PDE3A: variants seen among roughly 807,000 people sequenced by gnomAD.
PDE3A encodes phosphodiesterase 3A.
Under a neutral mutation model 98.3 loss-of-function variants are expected in PDE3A, and 43 were observed. That is an observed-to-expected ratio of 0.44 (90% CI 0.34 to 0.56). The LOEUF (loss-of-function observed/expected upper bound fraction) is 0.56. Among genes scored for constraint, PDE3A ranks in the 20% least tolerant of loss-of-function variants. The pLI, the probability that PDE3A is intolerant of heterozygous loss-of-function variation, is 0.01. For missense variants in PDE3A, 1,427 were observed against 1,440.7 expected (o/e 0.99, Z 0.15); for synonymous variants, 663 against 567.9 (o/e 1.17, Z -2.38).
At chr12:20,530,421 T>G (rs1946602958) in intron 1 of PDE3A, among the ~76,000 whole-genome samples, 1 of 151,834 alleles carries the variant, frequency 6.6e-6, no homozygotes, top group Non-Finnish European at 1.5e-5. Flanking sequence ...GAGTATCCAA[T>G]AATAGATTCA....
chr12:20,381,761 A>C (rs1041345955), intron 1 of PDE3A, among the ~76,000 whole-genome samples: 2 of 151,970 alleles, frequency 1.3e-5, no homozygotes, highest in African/African-American at 4.8e-5. Flanking sequence ...TTGATTAAAA[A>C]TGTCGGCAAG....
At chr12:20,384,246 T>C (rs1290487557) in intron 1 of PDE3A, among the ~76,000 whole-genome samples, 2 of 151,308 alleles carry the variant, frequency 1.3e-5, no homozygotes, top group African/African-American at 4.8e-5. Context: ...ATATACAAAC[T>C]GGAGACCTGA....
At chr12:20,372,801 A>G (rs1943501198) in intron 1 of PDE3A, among the ~76,000 whole-genome samples, 1 of 152,168 alleles carries the variant, frequency 6.6e-6, no homozygotes, top group Non-Finnish European at 1.5e-5. Flanking sequence ...TTAAATAGTC[A>G]TTTAAGAACT....
At chr12:20,579,307 T>C (rs10841565) in intron 2 of PDE3A, among the ~76,000 whole-genome samples, 34,421 of 152,148 alleles carry the variant, frequency 0.23, 3,998 homozygotes, top group South Asian at 0.35. Context: ...AGTTGAAATA[T>C]GCATTTTTAG....
intron 1 of PDE3A, among the ~76,000 whole-genome samples, chr12:20,482,642 A>G (rs1027859797): frequency 3.7e-4 from 56 of 152,348 alleles, no homozygotes; most frequent in African/African-American, 1.3e-3. Flanking sequence ...CTCAACTTCT[A>G]ACATAAAAAG....
intron 1 of PDE3A, among the ~76,000 whole-genome samples, chr12:20,425,967 T>C (rs1265639402): frequency 6.6e-6 from 1 of 152,202 alleles, no homozygotes; most frequent in East Asian, 1.9e-4. Flanking sequence ...TTTCATAGAA[T>C]TGTTATACAG....
Position 20,369,226 on chromosome 12 carries a change from G to A in PDE3A, c.-59G>A. ...GTGTGTGTGTGCGCGCGCGCGCGTG[G>A]GTCGGGGCGGGGGCGTCGGGGGGCC... is the stretch of plus-strand genomic sequence containing the variant. On this transcript the variant is annotated 5_prime_UTR_variant, in exon 1 of 16. Coordinates refer to ENST00000359062, the MANE Select transcript of PDE3A (RefSeq NM_000921.5). 2 of 1,320,640 alleles carry A rather than the reference G, an allele frequency of 1.5e-6. No individual in the cohort carries two copies. The allele number at this position is 1,320,640 out of a possible 1,614,324, so 81.8% of individuals were successfully genotyped here. A position where few individuals can be genotyped will look rare whatever the true frequency, so the allele number is the denominator to read the frequency against.
intron 2 of PDE3A, among the ~76,000 whole-genome samples, chr12:20,612,543 C>A (rs1465823657): frequency 6.9e-6 from 1 of 144,404 alleles, no homozygotes; most frequent in African/African-American, 2.5e-5. Context: ...CTCATATTTT[C>A]TTTTAATCGT....
chr12:20,643,756 C>T (rs1944700873), intron 10 of PDE3A, among the ~76,000 whole-genome samples: 1 of 151,924 alleles, frequency 6.6e-6, no homozygotes, highest in African/African-American at 2.4e-5. Context: ...GGCAGCTTTT[C>T]TTCTTGTATT....
At chr12:20,675,847 C>G in intron 15 of PDE3A, among the ~76,000 whole-genome samples, 1 of 152,062 alleles carries the variant, frequency 6.6e-6, no homozygotes, top group East Asian at 1.9e-4. Context: ...TCTGTCTTTT[C>G]TATCTTTTAC....
At chr12:20,500,577 G>A (rs1946004388) in intron 1 of PDE3A, among the ~76,000 whole-genome samples, 2 of 151,546 alleles carry the variant, frequency 1.3e-5, no homozygotes, top group East Asian at 1.9e-4. Flanking sequence ...CTTTCTTCAG[G>A]ATTTTTTTTC....
At chr12:20,649,187 T>G (rs964921134) in intron 13 of PDE3A, among the ~76,000 whole-genome samples, 2 of 152,000 alleles carry the variant, frequency 1.3e-5, no homozygotes, top group African/African-American at 4.8e-5. Flanking sequence ...CGCCTCGGCC[T>G]CCCAAAGTGC....
chr12:20,619,096 G>GA (rs1165177640), intron 4 of PDE3A, among the ~76,000 whole-genome samples: 1 of 152,006 alleles, frequency 6.6e-6, no homozygotes, highest in Non-Finnish European at 1.5e-5. Context: ...GGACAGCGAT[G>GA]AAAAGCTGAA....
chr12:20,485,950 T>G (rs1220323542), intron 1 of PDE3A, among the ~76,000 whole-genome samples: 6 of 152,200 alleles, frequency 3.9e-5, no homozygotes, highest in Non-Finnish European at 4.4e-5. Context: ...AGGACCTTAC[T>G]TCACTACTAT....
chr12:20,666,829 T>C (rs1945327336), intron 15 of PDE3A, among the ~76,000 whole-genome samples: 1 of 152,200 alleles, frequency 6.6e-6, no homozygotes, highest in Non-Finnish European at 1.5e-5. Flanking sequence ...GTAGTTCTCT[T>C]TTGAGATTTT....
At chr12:20,579,139 G>T (rs926282524) in intron 2 of PDE3A, among the ~76,000 whole-genome samples, 5 of 152,136 alleles carry the variant, frequency 3.3e-5, no homozygotes, top group African/African-American at 9.7e-5. Flanking sequence ...CATGAGAAAA[G>T]AATTTTTAGT....
At chr12:20,466,860 A>AT (rs1945348316) in intron 1 of PDE3A, among the ~76,000 whole-genome samples, 1 of 152,020 alleles carries the variant, frequency 6.6e-6, no homozygotes, top group African/African-American at 2.4e-5. Flanking sequence ...CCTCTCATCA[A>AT]TTTTTTGTTT....
chr12:20,560,301 A>T (rs978529981), intron 2 of PDE3A, among the ~76,000 whole-genome samples: 1 of 152,192 alleles, frequency 6.6e-6, no homozygotes, highest in Non-Finnish European at 1.5e-5. Flanking sequence ...TGCTATAAAG[A>T]CTAGAAACAA....
Position 20,680,141 on chromosome 12 carries a change from T to C in PDE3A, c.3296T>C (p.Ile1099Thr), listed in dbSNP as rs781666237. Residue 1099 changes from isoleucine to threonine, a missense_variant, in exon 16 of 16, where the codon ATA becomes ACA. Ile to Thr is a moderately conservative substitution (Grantham distance 89). Around this residue, in one of 3 missense-constraint regions of PDE3A, gnomAD observed 142 missense variants for 133.9 expected, o/e 1.06. Coordinates refer to ENST00000359062, the MANE Select transcript of PDE3A (RefSeq NM_000921.5). ...VIEEEQRLAG[I>T]ENQSLDQTPQ... ...GAAGAGGAGCAACGGTTGGCAGGCA[T>C]AGAAAATCAATCCCTGGACCAGACC... 1.9e-6 allele frequency: 3 copies of C among 1,613,854 alleles called. No homozygotes were observed. The highest frequency in any genetic ancestry group is 2.2e-5 in the East Asian group (1 of 44,848).
Sources: allele counts gnomAD v4.1 joint callset (sites outside exome capture counted in the v4.1 genomes callset), GRCh38; gene constraint gnomAD v4.1.1; regional missense constraint gnomAD v4.1.1; transcripts MANE v1.5; gene names NCBI Gene and HGNC (gene_info 2026-07-23, HGNC 2026-07-21).